Variants in MOV10L1 observed in about 807,000 individuals in gnomAD.
MOV10L1 encodes Mov10 like RNA helicase 1.
Under a neutral mutation model 143.8 loss-of-function variants are expected in MOV10L1, and 110 were observed. The observed-to-expected ratio is 0.76, with a 90% CI of 0.66 to 0.90. The LOEUF (loss-of-function observed/expected upper bound fraction) is 0.90. Among genes scored for constraint, MOV10L1 ranks in the 40% least tolerant of loss-of-function variants. The pLI, the probability that MOV10L1 is intolerant of heterozygous loss-of-function variation, is 0.00. For synonymous variants in MOV10L1, 593 were observed against 581.1 expected (o/e 1.02, Z -0.29); for missense variants, 1,406 against 1,526.8 (o/e 0.92, Z 1.32).
chr22:50,111,681 T>C (rs2062026912), intron 5 of MOV10L1, among the ~76,000 whole-genome samples: 1 of 151,916 alleles, frequency 6.6e-6, no homozygotes, highest in Non-Finnish European at 1.5e-5. Context: ...TTTTTTGTAT[T>C]TTTAATAGAG....
At chr22:50,127,133 T>A (rs2062530165) in intron 12 of MOV10L1, among the ~76,000 whole-genome samples, 1 of 152,104 alleles carries the variant, frequency 6.6e-6, no homozygotes, top group Non-Finnish European at 1.5e-5. Flanking sequence ...CAAGTTGACA[T>A]GAGGAGCCCA....
chr22:50,112,529 T>C (rs2062052642), intron 5 of MOV10L1, among the ~76,000 whole-genome samples: 1 of 152,232 alleles, frequency 6.6e-6, no homozygotes, highest in African/African-American at 2.4e-5. Context: ...CGCACTCTCC[T>C]TCTCTTTAGG....
At chr22:50,147,565 C>T (rs1053981226) in intron 19 of MOV10L1, among the ~76,000 whole-genome samples, 1 of 149,860 alleles carries the variant, frequency 6.7e-6, no homozygotes, top group African/African-American at 2.5e-5. Context: ...GTGCTGCAGG[C>T]CGCTCTCTCA....
intron 2 of MOV10L1, among the ~76,000 whole-genome samples, chr22:50,097,709 C>G (rs375066341): frequency 4.6e-5 from 7 of 152,244 alleles, no homozygotes; most frequent in African/African-American, 1.7e-4. Flanking sequence ...TTTGTTACTC[C>G]TTTTCAAGAC....
chr22:50,122,628 C>T (rs2062379145), intron 10 of MOV10L1, among the ~76,000 whole-genome samples: 2 of 152,176 alleles, frequency 1.3e-5, no homozygotes, highest in African/African-American at 4.8e-5. Flanking sequence ...TTGGAAGTTC[C>T]TGATCTTATG....
In MOV10L1 at chr22:50,142,208, C is replaced by T; in HGVS notation, c.2179+19C>T. The stretch of plus-strand genomic sequence containing the variant: ...GATTGGGGTATGTGCTCATGAGGGG[C>T]AAGGAGAAGAGCAACTCTGAGACTG... On this transcript the variant is annotated intron_variant, in intron 16 of 26. Coordinates refer to ENST00000262794, the MANE Select transcript of MOV10L1 (RefSeq NM_018995.3). 6.3e-7 allele frequency: 1 copy of T among 1,586,214 alleles called. No individual in the cohort carries two copies. Among genetic ancestry groups the T allele is most frequent in the Non-Finnish European group, 8.6e-7 (1 of 1,164,348 alleles).
At chr22:50,099,979 T>TTTTTTG (rs71670155) in intron 3 of MOV10L1, among the ~76,000 whole-genome samples, 7 of 151,338 alleles carry the variant, frequency 4.6e-5, no homozygotes, top group South Asian at 4.2e-4. Context: ...CTGTTTTGTT[T>TTTTTTG]TTTTTGTTTT....
chr22:50,099,701 A>C, intron 3 of MOV10L1, 99 bp downstream of exon 3: 11 of 1,385,594 alleles, frequency 7.9e-6, no homozygotes, highest in Non-Finnish European at 9.8e-6. Flanking sequence ...TAATCCCAGC[A>C]CTTTGTCAGG....
chr22:50,092,736 A>C (rs2062484023), intron 2 of MOV10L1: 1 of 152,764 alleles, frequency 6.5e-6, no homozygotes, highest in East Asian at 1.9e-4. Context: ...GCTGTGGAGA[A>C]CATAGCAATT....
At chr22:50,135,601 A>G (rs28622129) in intron 15 of MOV10L1, among the ~76,000 whole-genome samples, 6,278 of 151,894 alleles carry the variant, frequency 0.041, 219 homozygotes, top group African/African-American at 0.087. Context: ...AAATCCAAAA[A>G]TTAGCCGGGC....
chr22:50,104,743 A>C (rs2147081461), intron 3 of MOV10L1, among the ~76,000 whole-genome samples: 1 of 152,322 alleles, frequency 6.6e-6, no homozygotes, highest in South Asian at 2.1e-4. Context: ...ATATCTTAGC[A>C]TCTAAGATGT....
rs753146890 is a variant in MOV10L1 at position 50,142,138 on chromosome 22, G to A, written c.2128G>A (p.Asp710Asn). The change falls in exon 16 of 27, where the codon GAC becomes AAC. Residue 710 changes from aspartate to asparagine, a missense_variant. Around this residue, in one of 3 missense-constraint regions of MOV10L1, gnomAD observed 1,233 missense variants for 1,351.4 expected, o/e 0.91. Transcript: ENST00000262794. ...EHGTEERRVG[D>N]KDLPVLAPFT... is the part of the protein sequence containing the mutation. ...TGGAACAGAGGAGAGGCGTGTTGGT[G>A]ACAAGGACCTGCCGGTGCTGGCACC... 202 of 1,613,512 alleles carry A rather than the reference G, an allele frequency of 1.3e-4. No individual in the cohort carries two copies. The highest frequency in any genetic ancestry group is 1.6e-4 in the Non-Finnish European group (193 of 1,179,770).
chr22:50,096,523 G>T (rs9628282), intron 2 of MOV10L1: 39,757 of 152,196 alleles, frequency 0.26, 5,710 homozygotes, highest in Non-Finnish European at 0.33. Context: ...TGTATGGTAA[G>T]TCTAGGTTTA....
intron 12 of MOV10L1, 49 bp from the exon 13 acceptor site, chr22:50,128,367 A>G (rs765775771): frequency 9.1e-5 from 96 of 1,049,210 alleles, no homozygotes; most frequent in Non-Finnish European, 1.4e-4. Flanking sequence ...CTAGATAAAG[A>G]TATCACATTA....
chr22:50,129,824 A>C (rs929489205), intron 13 of MOV10L1, among the ~76,000 whole-genome samples: 1 of 152,146 alleles, frequency 6.6e-6, no homozygotes, highest in African/African-American at 2.4e-5. Flanking sequence ...TGGGCCGTAA[A>C]ATGTTCCTCT....
chr22:50,149,181 G>C (rs1032848353), intron 19 of MOV10L1, among the ~76,000 whole-genome samples: 1 of 152,230 alleles, frequency 6.6e-6, no homozygotes, highest in African/African-American at 2.4e-5. Flanking sequence ...TCTCACCTCA[G>C]CCACCTCCCG....
Position 50,159,601 on chromosome 22 carries a change from C to CA in MOV10L1, c.3217-65dup, listed in dbSNP as rs35222089. 0.17 allele frequency: 136,901 copies of CA among 802,630 alleles called. 1,389 individuals carry two copies. Among genetic ancestry groups the CA allele is most frequent in the East Asian group, 0.3 (9,136 of 30,806 alleles). The allele number at this position is 802,630 out of a possible 1,614,324, so 49.7% of individuals were successfully genotyped here. A position where few individuals can be genotyped will look rare whatever the true frequency, so the allele number is the denominator to read the frequency against. On this transcript the variant is annotated intron_variant, in intron 23 of 26. Transcript: ENST00000262794. The surrounding 1 kb of genome is among the most constrained non-coding windows in gnomAD (Gnocchi z 4.1). ...TGGGTGACAGAGTAATACTCCATCTCAAAAAAAAAAAAGGAAAAGAAAAGA... is the reference window on the plus strand; with the variant it reads ...TGGGTGACAGAGTAATACTCCATCTCAAAAAAAAAAAAAGGAAAAGAAAAGA...
chr22:50,147,846 A>G (rs2063193886), intron 19 of MOV10L1, among the ~76,000 whole-genome samples: 2 of 152,266 alleles, frequency 1.3e-5, no homozygotes, highest in African/African-American at 4.8e-5. Flanking sequence ...GCTGATTTCC[A>G]CATCTTTCAC....
chr22:50,116,344 G>C (rs1051093487), intron 8 of MOV10L1, among the ~76,000 whole-genome samples: 1 of 151,860 alleles, frequency 6.6e-6, no homozygotes, highest in East Asian at 2.0e-4. Context: ...CTACTCAGGA[G>C]GCTGAGGCAG....
Sources: gnomAD v4.1 joint callset for allele counts (sites outside exome capture counted in the v4.1 genomes callset) on GRCh38, gnomAD v4.1.1 for gene constraint, gnomAD v4.1.1 regional missense constraint, Gnocchi (gnomAD v3.1) non-coding constraint, MANE v1.5 for transcripts, NCBI Gene and HGNC (gene_info 2026-07-23, HGNC 2026-07-21) for gene names.